NEMP1: variants seen among roughly 807,000 people sequenced by gnomAD.
NEMP1 encodes the protein transmembrane protein 194.
Under a neutral mutation model 53.7 loss-of-function variants are expected in NEMP1, and 29 were observed. The ratio of observed to expected loss-of-function variants is 0.54; its 90% CI spans 0.40 to 0.74. NEMP1 has a LOEUF of 0.74. Among genes scored for constraint, NEMP1 ranks in the 30% least tolerant of loss-of-function variants. The probability of loss-of-function intolerance (pLI) is 0.00; values close to 1 mark genes in which losing one functional copy is unlikely to be tolerated. For missense variants in NEMP1, 477 were observed against 528.6 expected (o/e 0.90, Z 0.96); for synonymous variants, 193 against 192.9 (o/e 1.00, Z 0.00).
chr12:57,059,266 T>C lies in NEMP1; in HGVS notation c.*613A>G, dbSNP rs1001815261. On this transcript the variant is annotated 3_prime_UTR_variant, in exon 9 of 9. Coordinates refer to ENST00000300128, the MANE Select transcript of NEMP1 (RefSeq NM_001130963.2). ...AATGGATAATCCATATTAATAAATA[T>C]GTAGGGGCCTAGGGGGTGTGTCACT... 1.3e-5 allele frequency: 2 copies of C among 152,308 alleles called. No homozygotes were observed. Among genetic ancestry groups the C allele is most frequent in the Middle Eastern group, 3.4e-3 (1 of 294 alleles). The allele number at this position is 152,308 out of a possible 1,614,324, so 9.4% of individuals were successfully genotyped here.
At chr12:57,064,276 A>G (rs911518635) in intron 5 of NEMP1, 91 bp from the exon 6 acceptor site, 5 of 764,778 alleles carry the variant, frequency 6.5e-6, no homozygotes, top group Non-Finnish European at 1.0e-5. Flanking sequence ...TTTTTTTTAA[A>G]AAATTCAACC....
At chr12:57,073,869 T>C (rs2032471993) in intron 1 of NEMP1, among the ~76,000 whole-genome samples, 1 of 152,196 alleles carries the variant, frequency 6.6e-6, no homozygotes, top group Non-Finnish European at 1.5e-5. Flanking sequence ...TAGATATACT[T>C]CCTGTCCTAT....
intron 1 of NEMP1, among the ~76,000 whole-genome samples, chr12:57,073,148 C>T (rs1189717967): frequency 6.6e-6 from 1 of 151,590 alleles, no homozygotes; most frequent in Non-Finnish European, 1.5e-5. Context: ...ATAAAAACTA[C>T]TATTAAGTAT....
chr12:57,079,852 C>T (rs1015928255), upstream of NEMP1, among the ~76,000 whole-genome samples: 3 of 152,070 alleles, frequency 2.0e-5, no homozygotes, highest in Admixed American at 2.0e-4. Context: ...CTCAGTGTAA[C>T]CTTGAATTCC....
At chr12:57,068,732 A>AT (rs1415892126) in intron 4 of NEMP1, among the ~76,000 whole-genome samples, 3 of 151,950 alleles carry the variant, frequency 2.0e-5, no homozygotes, top group Admixed American at 6.6e-5. Flanking sequence ...CGCCTGGCTA[A>AT]TTTTTTTGCA....
upstream of NEMP1, among the ~76,000 whole-genome samples, chr12:57,081,644 A>G (rs994825636): frequency 2.0e-5 from 3 of 151,074 alleles, no homozygotes; most frequent in Admixed American, 1.3e-4. Flanking sequence ...ACGGTGGCTC[A>G]TGCCTGTAAT....
chr12:57,056,470 C>CAAA lies in NEMP1; in HGVS notation c.*3406_*3408dup, dbSNP rs2031529670. The CAAA allele has an allele frequency of 6.6e-6, 1 of 152,162 alleles. No individual in the cohort carries two copies. Among genetic ancestry groups the CAAA allele is most frequent in the African/African-American group, 2.4e-5 (1 of 41,452 alleles). The allele number at this position is 152,162 out of a possible 1,614,324, so 9.4% of individuals were successfully genotyped here. A position where few individuals can be genotyped will look rare whatever the true frequency, so the allele number is the denominator to read the frequency against. On this transcript the variant is annotated 3_prime_UTR_variant, in exon 9 of 9. Transcript: ENST00000300128. ...TAATATGAAGGCATGATAAATGTGTCAAACTGTTCTCTTGTTTCAGATACA... is the reference window on the plus strand; with the variant it reads ...TAATATGAAGGCATGATAAATGTGTCAAAAAACTGTTCTCTTGTTTCAGATACA...
upstream of NEMP1, among the ~76,000 whole-genome samples, chr12:57,088,601 C>G (rs550830579): frequency 3.3e-3 from 501 of 152,320 alleles, 3 homozygotes; most frequent in African/African-American, 0.012. Flanking sequence ...CACGTCCGTG[C>G]GCTTCTGTGT....
At chr12:57,069,339 G>C (rs1419989445) in intron 3 of NEMP1, 33 bp from the exon 4 acceptor site, 1 of 1,365,402 alleles carries the variant, frequency 7.3e-7, no homozygotes. Flanking sequence ...CTTAATAAGG[G>C]AACAAAACTG....
At chr12:57,070,419 G>T (rs1366564444) in intron 3 of NEMP1, among the ~76,000 whole-genome samples, 2 of 152,204 alleles carry the variant, frequency 1.3e-5, no homozygotes, top group East Asian at 3.8e-4. Context: ...ATGTAATTGG[G>T]AATAAAAGAA....
chr12:57,072,060 G>C lies in NEMP1; in HGVS notation c.252+728C>G, dbSNP rs571089437. ...TTATGAAATATCTCATATAGAATCA[G>C]AATAGGAACAGTGGGGCAAAAGAGT... On this transcript the variant is annotated intron_variant, in intron 2 of 8. Transcript: ENST00000300128. Among the ~76,000 whole-genome samples the C allele has an allele frequency of 3.3e-5, 5 of 152,296 alleles. No individual in the cohort carries two copies. The South Asian group carries it at 8.3e-4, about 25-fold the overall frequency.
rs757988889 is a variant in NEMP1, at chr12:57,064,736, A to G, written c.549T>C (p.Ser183=). The G allele has an allele frequency of 2.5e-6, 4 of 1,610,120 alleles. No individual in the cohort carries two copies. In the African/African-American group the frequency reaches 5.4e-5, roughly 22 times the overall value. Residue 183 remains serine (S), a synonymous_variant, in exon 5 of 9, where the codon AGT becomes AGC. Coordinates refer to ENST00000300128, the MANE Select transcript of NEMP1 (RefSeq NM_001130963.2). The part of the protein sequence containing the change: ...LFFCGDLLSR[S]QIFYYSTGMT... ...TCCCAGTAGAGTAGTAGAAAATTTG[A>G]CTTCTGCAGGAAAAAAATGTATTTC...
chr12:57,066,462 C>T (rs540611575), intron 4 of NEMP1, among the ~76,000 whole-genome samples: 1 of 152,290 alleles, frequency 6.6e-6, no homozygotes, highest in South Asian at 2.1e-4. Context: ...GTCTAGCTTT[C>T]GGTCTGTCTT....
In NEMP1 at chr12:57,064,722, T is replaced by A. The variant is rs768023498; in HGVS notation, c.563A>T (p.Tyr188Phe). Reference sequence around the variant, plus strand: ...AATTCCCACAGTCATCCCAGTAGAGTAGTAGAAAATTTGACTTCTGCAGGA... The same window carrying A: ...AATTCCCACAGTCATCCCAGTAGAGAAGTAGAAAATTTGACTTCTGCAGGA... ...DLLSRSQIFY[Y>F]STGMTVGIVA... is the part of the protein sequence containing the mutation. Residue 188 changes from tyrosine to phenylalanine, a missense_variant, in exon 5 of 9, where the codon TAC (tyrosine) becomes TTC (phenylalanine). By Grantham distance (22) the Tyr-to-Phe change is conservative (BLOSUM62 3). Transcript: ENST00000300128. 4 of 1,611,968 alleles carry A rather than the reference T, an allele frequency of 2.5e-6. No individual in the cohort carries two copies. Among genetic ancestry groups the A allele is most frequent in the East Asian group, 4.5e-5 (2 of 44,754 alleles).
intron 1 of NEMP1, 118 bp downstream of exon 1, chr12:57,078,501 C>T (rs2032734904): frequency 2.2e-6 from 3 of 1,373,094 alleles, no homozygotes; most frequent in Non-Finnish European, 2.9e-6. Flanking sequence ...ACGCCGGCGG[C>T]CCTCGGTAGA....
Position 57,085,542 on chromosome 12 carries a change from C to T in NEMP1, n.113+2409G>A, listed in dbSNP as rs892731557. Among the ~76,000 whole-genome samples, 10 of 152,198 alleles carry T rather than the reference C, an allele frequency of 6.6e-5. 1 individual carries two copies. The highest frequency in any genetic ancestry group is 6.5e-4 in the Admixed American group (10 of 15,280). ...TATTAGTCTGTGAGCTCCTTAAAGG[C>T]AGTGGTTAGGATTATCTGTCTTTCA... On this transcript the variant is annotated intron_variant and non_coding_transcript_variant, in intron 1 of 2. Transcript: ENST00000553654.
intron 1 of NEMP1, among the ~76,000 whole-genome samples, chr12:57,078,030 G>A (rs956862008): frequency 6.6e-6 from 1 of 152,046 alleles, no homozygotes; most frequent in Non-Finnish European, 1.5e-5. Context: ...TGCAGTGAGC[G>A]AGATCGCACC....
chr12:57,067,252 A>G (rs2032131482), intron 4 of NEMP1, among the ~76,000 whole-genome samples: 1 of 151,942 alleles, frequency 6.6e-6, no homozygotes, highest in Non-Finnish European at 1.5e-5. Context: ...TGAACCCGGA[A>G]GGTGGAGCTT....
chr12:57,081,899 T>G (rs2032857667), upstream of NEMP1, among the ~76,000 whole-genome samples: 1 of 136,730 alleles, frequency 7.3e-6, no homozygotes, highest in Non-Finnish European at 1.5e-5. Flanking sequence ...AGAGCAAGAC[T>G]CCGTCTCAAA....
Sources: allele counts gnomAD v4.1 joint callset (sites outside exome capture counted in the v4.1 genomes callset), GRCh38; gene constraint gnomAD v4.1.1; transcripts MANE v1.5; gene names NCBI Gene and HGNC (gene_info 2026-07-23, HGNC 2026-07-21).